CDH20: variants seen among roughly 807,000 people sequenced by gnomAD.
CDH20 encodes cadherin 20, also known as cadherin-20.
Under a neutral mutation model 74.2 loss-of-function variants are expected in CDH20, and 29 were observed. The observed-to-expected ratio is 0.39, with a 90% CI of 0.29 to 0.53. The LOEUF is 0.53. Ranked by LOEUF, CDH20 falls within the 20% of genes least tolerant of loss-of-function variation. The pLI, the probability that CDH20 is intolerant of heterozygous loss-of-function variation, is 0.69. For synonymous variants in CDH20, 469 were observed against 405.4 expected (o/e 1.16, Z -1.88); for missense variants, 988 against 1,048.3 (o/e 0.94, Z 0.79).
At chr18:61,345,273 AG>A (rs1910079658) in intron 1 of CDH20, among the ~76,000 whole-genome samples, 2 of 152,182 alleles carry the variant, frequency 1.3e-5, no homozygotes, top group Non-Finnish European at 2.9e-5. Context: ...CAAAGTATCA[AG>A]ATGGTTGTAG....
chr18:61,446,762 G>A (rs1330641330), intron 1 of CDH20, among the ~76,000 whole-genome samples: 6 of 151,638 alleles, frequency 4.0e-5, no homozygotes, highest in African/African-American at 1.5e-4. Context: ...TTCTCTTTTT[G>A]ATATCCTTGG....
chr18:61,419,829 C>T (rs575262735), intron 1 of CDH20, among the ~76,000 whole-genome samples: 9 of 152,160 alleles, frequency 5.9e-5, no homozygotes, highest in South Asian at 2.1e-4. Context: ...ACCTGACCTG[C>T]GTACAAAATA....
At chr18:61,349,495 C>T (rs1000288350) in intron 1 of CDH20, among the ~76,000 whole-genome samples, 1 of 152,184 alleles carries the variant, frequency 6.6e-6, no homozygotes, top group Non-Finnish European at 1.5e-5. Context: ...TCTATAATGA[C>T]TCCATTCTGT....
At chr18:61,354,861 C>T (rs1192314469) in intron 1 of CDH20, among the ~76,000 whole-genome samples, 2 of 152,202 alleles carry the variant, frequency 1.3e-5, no homozygotes, top group Non-Finnish European at 2.9e-5. Flanking sequence ...GTAAGTACTT[C>T]TGACATCATA....
intron 1 of CDH20, among the ~76,000 whole-genome samples, chr18:61,348,211 G>A (rs1910194999): frequency 6.6e-6 from 1 of 152,098 alleles, no homozygotes; most frequent in African/African-American, 2.4e-5. Flanking sequence ...AACTGTTTCT[G>A]CCACAGGCTT....
chr18:61,492,560 C>T (rs1279289423), intron 2 of CDH20, among the ~76,000 whole-genome samples: 1 of 152,218 alleles, frequency 6.6e-6, no homozygotes, highest in African/African-American at 2.4e-5. Context: ...TCCTGGCATC[C>T]ACCCATGGCC....
intron 2 of CDH20, among the ~76,000 whole-genome samples, chr18:61,495,764 C>T (rs1336685982): frequency 2.0e-5 from 3 of 152,174 alleles, no homozygotes; most frequent in Non-Finnish European, 4.4e-5. Context: ...GAGCTGCGCT[C>T]TCTCTCTGAT....
At chr18:61,369,488 T>C (rs973844443) in intron 1 of CDH20, among the ~76,000 whole-genome samples, 2 of 152,290 alleles carry the variant, frequency 1.3e-5, no homozygotes, top group Admixed American at 6.5e-5. Flanking sequence ...TTTTAGGCAA[T>C]GTATTTTAAA....
chr18:61,460,594 T>TG (rs5825440), intron 1 of CDH20, among the ~76,000 whole-genome samples: 37,884 of 152,090 alleles, frequency 0.25, 5,081 homozygotes, highest in Middle Eastern at 0.42. Context: ...AAAACAGTCC[T>TG]GGAAGTCATA....
intron 7 of CDH20, among the ~76,000 whole-genome samples, chr18:61,534,538 T>C (rs145235657): frequency 6.6e-6 from 1 of 152,288 alleles, no homozygotes; most frequent in Non-Finnish European, 1.5e-5. Context: ...CAATGGAATA[T>C]TCGTTTCAGC....
At chr18:61,548,705 G>C in intron 10 of CDH20, among the ~76,000 whole-genome samples, 1 of 152,234 alleles carries the variant, frequency 6.6e-6, no homozygotes, top group South Asian at 2.1e-4. Flanking sequence ...AGGCCGCCCC[G>C]CTCTGCATCT....
intron 1 of CDH20, among the ~76,000 whole-genome samples, chr18:61,390,171 T>C (rs1267720101): frequency 6.9e-6 from 1 of 145,976 alleles, no homozygotes; most frequent in Non-Finnish European, 1.5e-5. Context: ...CCATTCACCA[T>C]GTATCCCAGT....
chr18:61,501,013 A>G (rs1364958537), intron 4 of CDH20, among the ~76,000 whole-genome samples: 1 of 152,174 alleles, frequency 6.6e-6, no homozygotes, highest in Non-Finnish European at 1.5e-5. Flanking sequence ...ATGTGGTCTG[A>G]TGTTCTTTCT....
At chr18:61,468,642 TGTA>T (rs1030280510) in intron 1 of CDH20, among the ~76,000 whole-genome samples, 1 of 152,182 alleles carries the variant, frequency 6.6e-6, no homozygotes, top group African/African-American at 2.4e-5. Flanking sequence ...GCTTAGATAA[TGTA>T]CTGTCATCCA....
chr18:61,510,352 A>C (rs1911734923), intron 6 of CDH20, among the ~76,000 whole-genome samples: 1 of 152,188 alleles, frequency 6.6e-6, no homozygotes, highest in Non-Finnish European at 1.5e-5. Context: ...ACGTGCTCCC[A>C]AGGGATGGAG....
chr18:61,349,159 A>T (rs1474893300), intron 1 of CDH20, among the ~76,000 whole-genome samples: 1 of 152,196 alleles, frequency 6.6e-6, no homozygotes, highest in Non-Finnish European at 1.5e-5. Flanking sequence ...TCTAGACAAT[A>T]AATGGCATTT....
intron 1 of CDH20, among the ~76,000 whole-genome samples, chr18:61,450,694 G>C (rs1287515439): frequency 6.6e-6 from 1 of 151,934 alleles, no homozygotes; most frequent in Non-Finnish European, 1.5e-5. Context: ...TACATGTATA[G>C]AGATATAATT....
intron 1 of CDH20, among the ~76,000 whole-genome samples, chr18:61,431,489 A>G (rs1913254466): frequency 6.6e-6 from 1 of 152,166 alleles, no homozygotes; most frequent in South Asian, 2.1e-4. Context: ...TAACATATTG[A>G]TATTTGTTCA....
rs117830852 is a variant in CDH20, at chr18:61,392,585, A to G, written c.-153+58758A>G. On this transcript the variant is annotated intron_variant, in intron 1 of 11. Transcript: ENST00000262717. Reference sequence around the variant, plus strand: ...ATCATGACTATCCATCTCCCTCTCCATGCTGAGCACAAGGACCATGTCTCT... The same window carrying G: ...ATCATGACTATCCATCTCCCTCTCCGTGCTGAGCACAAGGACCATGTCTCT... 6.0e-3 allele frequency among the ~76,000 whole-genome samples: 917 copies of G among 152,198 alleles called. 5 individuals carry two copies. The highest frequency in any genetic ancestry group is 0.011 in the Non-Finnish European group (724 of 68,018).
Sources: allele counts gnomAD v4.1 joint callset (sites outside exome capture counted in the v4.1 genomes callset), GRCh38; gene constraint gnomAD v4.1.1; transcripts MANE v1.5; gene names NCBI Gene and HGNC (gene_info 2026-07-23, HGNC 2026-07-21).